Variants in C17orf75 observed in about 807,000 individuals in gnomAD.
C17orf75 encodes the protein chromosome 17 open reading frame 75.
A neutral mutation model predicts 49.6 loss-of-function variants in C17orf75; 32 were observed. The ratio of observed to expected loss-of-function variants is 0.65; its 90% CI spans 0.49 to 0.87. The LOEUF (loss-of-function observed/expected upper bound fraction) is 0.87, where lower values mean the gene tolerates loss of function less well. C17orf75 is among the 40% of genes least tolerant of loss of function. The probability of loss-of-function intolerance (pLI) is 0.00; values close to 1 mark genes in which losing one functional copy is unlikely to be tolerated. For synonymous variants in C17orf75, 158 were observed against 159.5 expected (o/e 0.99, Z 0.07); for missense variants, 428 against 473.9 (o/e 0.90, Z 0.90).
intron 1 of C17orf75, among the ~76,000 whole-genome samples, chr17:32,348,670 T>C (rs1426911334): frequency 1.3e-5 from 2 of 152,182 alleles, no homozygotes; most frequent in African/African-American, 2.4e-5. Context: ...TGGTGGACTA[T>C]GAACCCAAGC....
rs574522224 is a variant in C17orf75, at chr17:32,348,926, C to T, written c.-7+1016G>A. 9.2e-5 allele frequency among the ~76,000 whole-genome samples: 12 copies of T among 130,996 alleles called. 1 individual carries two copies. The East Asian group carries it at 1.7e-3, about 19-fold the overall frequency. The allele number at this position is 130,996 out of a possible 152,430, so 85.9% of individuals were successfully genotyped here. Reference sequence around the variant, plus strand: ...TGTCACCCAGGCTGGAATGCAATGGCGAGATCTCGGCTCACTGCAACCTTC... The same window carrying T: ...TGTCACCCAGGCTGGAATGCAATGGTGAGATCTCGGCTCACTGCAACCTTC... On this transcript the variant is annotated intron_variant, in intron 1 of 8. Coordinates refer to the C17orf75 transcript ENST00000583774.
At chr17:32,345,595 G>C (rs1303543323), upstream of C17orf75, among the ~76,000 whole-genome samples, 2 of 151,430 alleles carry the variant, frequency 1.3e-5, no homozygotes, top group South Asian at 2.1e-4. Flanking sequence ...ACTTTGGAAG[G>C]CTGAGGCAGG....
At position 32,334,847 on chromosome 17, in the gene C17orf75, AG is replaced by A; in HGVS notation, c.670-9del. The A allele has an allele frequency of 6.3e-7, 1 of 1,599,418 alleles. No individual in the cohort carries two copies. Reference sequence around the variant, plus strand: ...AGGAGTGTAACTCAAAGCCTATGAGAGAAAAATAAAGCCTGATTGGTACATA... The same window carrying A: ...AGGAGTGTAACTCAAAGCCTATGAGAAAAAATAAAGCCTGATTGGTACATA... On this transcript the variant is annotated splice_polypyrimidine_tract_variant and intron_variant, in intron 6 of 9. Coordinates refer to ENST00000577809, the MANE Select transcript of C17orf75 (RefSeq NM_022344.4).
At chr17:32,346,582 G>GT (rs937150232), upstream of C17orf75, among the ~76,000 whole-genome samples, 55 of 147,322 alleles carry the variant, frequency 3.7e-4, no homozygotes, top group African/African-American at 9.0e-4. Context: ...ATTTTTTTTT[G>GT]TTTTTTTTTG....
At chr17:32,341,393 G>A (rs1597738272) in intron 1 of C17orf75, 109 bp from the exon 2 acceptor site, 2 of 1,052,674 alleles carry the variant, frequency 1.9e-6, no homozygotes, top group East Asian at 4.7e-5. Flanking sequence ...AATGCTGCAA[G>A]GTGGAAGTGC....
At chr17:32,343,726 A>G, upstream of C17orf75, 1 of 599,950 alleles carries the variant, frequency 1.7e-6, no homozygotes, top group South Asian at 1.9e-5. Flanking sequence ...ATTCAGTAAC[A>G]TTGTCAGTTT....
intron 6 of C17orf75, 65 bp downstream of exon 6, chr17:32,335,258 G>GT: frequency 1.3e-6 from 2 of 1,570,786 alleles, no homozygotes; most frequent in Non-Finnish European, 1.7e-6. Flanking sequence ...GAGAAAATGA[G>GT]TATGTTTCTA....
intron 2 of C17orf75, 40 bp from the exon 3 acceptor site, chr17:32,339,978 A>G: frequency 1.2e-6 from 2 of 1,610,536 alleles, no homozygotes; most frequent in South Asian, 1.1e-5. Flanking sequence ...CCAGTGGACT[A>G]GGGTATTCAC....
At chr17:32,341,139 T>C (rs1261333431) in intron 2 of C17orf75, 65 bp downstream of exon 2, 9 of 1,522,538 alleles carry the variant, frequency 5.9e-6, no homozygotes, top group South Asian at 1.1e-5. Context: ...TCCACTGACA[T>C]GTACAGGCCA....
intron 2 of C17orf75, 38 bp from the exon 3 acceptor site, chr17:32,339,976 C>G: frequency 6.2e-7 from 1 of 1,610,342 alleles, no homozygotes; most frequent in Non-Finnish European, 8.5e-7. Flanking sequence ...TACCAGTGGA[C>G]TAGGGTATTC....
intron 9 of C17orf75, among the ~76,000 whole-genome samples, chr17:32,333,064 G>T (rs554330342): frequency 1.3e-5 from 2 of 152,282 alleles, no homozygotes; most frequent in East Asian, 3.9e-4. Flanking sequence ...ACCTGCCATG[G>T]TCTCCCAAAG....
chr17:32,344,365 C>G (rs1401475443), upstream of C17orf75, among the ~76,000 whole-genome samples: 1 of 152,138 alleles, frequency 6.6e-6, no homozygotes, highest in Non-Finnish European at 1.5e-5. Context: ...CGCCTGTAAT[C>G]CCAGCACTTT....
chr17:32,331,647 C>T lies in C17orf75; in HGVS notation c.*116G>A. 3.6e-6 allele frequency: 3 copies of T among 831,698 alleles called. No homozygotes were observed. Among genetic ancestry groups the T allele is most frequent in the Non-Finnish European group, 5.6e-6 (3 of 534,578 alleles). 51.5% of individuals were successfully genotyped at this position (831,698 alleles called of 1,614,324 possible). On this transcript the variant is annotated 3_prime_UTR_variant, in exon 10 of 10. Transcript: ENST00000577809. ...AATTGGTAAAATACAAAAAGAAAAT[C>T]TGGATTGAGTTTCAAATCATCTTAA...
At chr17:32,341,758 TA>T (rs1423280253) in intron 1 of C17orf75, 1 of 998,534 alleles carries the variant, frequency 1.0e-6, no homozygotes, top group East Asian at 8.6e-5. Flanking sequence ...TGGGATGATA[TA>T]GGGGCAGATG....
chr17:32,330,486 G>C lies in C17orf75; in HGVS notation c.*1277C>G, dbSNP rs1309074898. 6.6e-6 allele frequency: 1 copy of C among 152,198 alleles called. No homozygotes were observed. The highest frequency in any genetic ancestry group is 2.4e-5 in the African/African-American group (1 of 41,428). The allele number at this position is 152,198 out of a possible 1,614,324, so 9.4% of individuals were successfully genotyped here. A position where few individuals can be genotyped will look rare whatever the true frequency, so the allele number is the denominator to read the frequency against. Reference sequence around the variant, plus strand: ...TTCTAAGCAAAAATCATTATCAAATGAATTTATTAAAGAGCTATCCCGAGC... The same window carrying C: ...TTCTAAGCAAAAATCATTATCAAATCAATTTATTAAAGAGCTATCCCGAGC... On this transcript the variant is annotated 3_prime_UTR_variant, in exon 10 of 10. Transcript: ENST00000577809.
intron 9 of C17orf75, among the ~76,000 whole-genome samples, chr17:32,332,968 G>T (rs752658314): frequency 7.9e-5 from 12 of 152,080 alleles, no homozygotes; most frequent in Non-Finnish European, 1.8e-4. Flanking sequence ...GCGCCACCAG[G>T]CCCAGCTAAT....
chr17:32,349,151 G>A (rs2041457640), intron 1 of C17orf75, among the ~76,000 whole-genome samples: 1 of 151,990 alleles, frequency 6.6e-6, no homozygotes. Context: ...TTACTGGCGT[G>A]AGCAACCGCG....
At chr17:32,340,928 G>T in intron 2 of C17orf75, 1 of 395,588 alleles carries the variant, frequency 2.5e-6, no homozygotes. Context: ...CTGGGCAGCA[G>T]AGCAAGACCC....
At position 32,333,492 on chromosome 17, in the gene C17orf75, C is replaced by T; in HGVS notation, c.900G>A (p.Met300Ile). Residue 300 changes from methionine to isoleucine, a missense_variant, in exon 9 of 10, where the codon ATG becomes ATA. Transcript: ENST00000577809. Reference sequence around the variant, plus strand: ...CTTTGGCACCATTTAAAAAAGCTTGCATCCAATCCTCACAAAACCGGTTAC... The same window carrying T: ...CTTTGGCACCATTTAAAAAAGCTTGTATCCAATCCTCACAAAACCGGTTAC... ...AGSNRFCEDWMQAFLNGAKGG... is the reference protein window; with the variant it reads ...AGSNRFCEDWIQAFLNGAKGG... The T allele has an allele frequency of 1.2e-6, 2 of 1,613,480 alleles. No homozygotes were observed. Among genetic ancestry groups the T allele is most frequent in the Non-Finnish European group, 1.7e-6 (2 of 1,179,712 alleles).
Sources: allele counts gnomAD v4.1 joint callset (sites outside exome capture counted in the v4.1 genomes callset), GRCh38; gene constraint gnomAD v4.1.1; transcripts MANE v1.5; gene names NCBI Gene and HGNC (gene_info 2026-07-23, HGNC 2026-07-21).